Variants in PCDHA13 observed in about 807,000 individuals in gnomAD.
PCDHA13 encodes the protein protocadherin alpha 13.
In PCDHA13, 54 loss-of-function variants were observed where a neutral mutation model predicts 64.8. That is an observed-to-expected ratio of 0.83 (90% CI 0.67 to 1.04). PCDHA13 has a LOEUF of 1.04. Among genes scored for constraint, PCDHA13 ranks in the 50% least tolerant of loss-of-function variants. The pLI is 0.00. For synonymous variants in PCDHA13, 587 were observed against 564.4 expected, an observed-to-expected ratio of 1.04 and a Z score of -0.57; for missense variants, 1,248 against 1,254.3, an observed-to-expected ratio of 0.99 and a Z score of 0.08.
chr5:140,915,205 C>G (rs1554196797), intron 1 of PCDHA13, among the ~76,000 whole-genome samples: 1 of 152,076 alleles, frequency 6.6e-6, no homozygotes, highest in Non-Finnish European at 1.5e-5. Flanking sequence ...TCTTGGCCTC[C>G]CAAAGTGCTG....
At position 140,933,976 on chromosome 5, in the gene PCDHA13, A is replaced by G. The variant is rs1359426492; in HGVS notation, c.2395-44973A>G. ...ATCTGTAGTGATGTTTCCCTTTTCA[A>G]TCCTGGTGTTAGTGTCACCTCTCAT... On this transcript the variant is annotated intron_variant, in intron 1 of 3. Coordinates refer to ENST00000289272, the MANE Select transcript of PCDHA13 (RefSeq NM_018904.3). Among the ~76,000 whole-genome samples, 3 of 151,666 alleles carry G rather than the reference A, an allele frequency of 2.0e-5. No homozygotes were observed. The East Asian group carries it at 5.8e-4, about 29-fold the overall frequency.
intron 1 of PCDHA13, among the ~76,000 whole-genome samples, chr5:140,941,551 G>A (rs1247023682): frequency 4.0e-5 from 6 of 151,616 alleles, no homozygotes; most frequent in Non-Finnish European, 8.8e-5. Flanking sequence ...TCCTGACCTC[G>A]TGATCCATTC....
chr5:141,005,475 G>A (rs1011400158), intron 3 of PCDHA13, among the ~76,000 whole-genome samples: 8 of 151,670 alleles, frequency 5.3e-5, no homozygotes, highest in African/African-American at 1.9e-4. Flanking sequence ...AGGCCGAGAC[G>A]GGCGGATCAT....
At chr5:140,964,844 A>G (rs2095857701) in intron 1 of PCDHA13, among the ~76,000 whole-genome samples, 1 of 152,160 alleles carries the variant, frequency 6.6e-6, no homozygotes, top group Admixed American at 6.5e-5. Flanking sequence ...CCTACTCTGT[A>G]CCCTTGAGGA....
At chr5:140,923,826 T>C (rs2081533545) in intron 1 of PCDHA13, among the ~76,000 whole-genome samples, 1 of 152,218 alleles carries the variant, frequency 6.6e-6, no homozygotes, top group African/African-American at 2.4e-5. Context: ...TAGACGTCAG[T>C]GGCAGTTTAA....
At chr5:140,987,941 G>A (rs1554249697) in intron 3 of PCDHA13, among the ~76,000 whole-genome samples, 1 of 152,104 alleles carries the variant, frequency 6.6e-6, no homozygotes, top group African/African-American at 2.4e-5. Flanking sequence ...ATTCTTACCT[G>A]TCTGACAAAA....
rs782468691 is a variant in PCDHA13 at position 140,962,448 on chromosome 5, A to C, written c.2395-16501A>C. Reference sequence around the variant, plus strand: ...TGTTACTTATCCAAAGATGGCTTGAATCTCTTATGGCTTGAATCTCTTTGT... The same window carrying C: ...TGTTACTTATCCAAAGATGGCTTGACTCTCTTATGGCTTGAATCTCTTTGT... On this transcript the variant is annotated intron_variant, in intron 1 of 3. Coordinates refer to ENST00000289272, the MANE Select transcript of PCDHA13 (RefSeq NM_018904.3). Among the ~76,000 whole-genome samples the C allele has an allele frequency of 4.7e-4, 72 of 152,232 alleles. 1 individual carries two copies. The highest frequency in any genetic ancestry group is 6.8e-3 in the Middle Eastern group (2 of 294).
Position 140,883,636 on chromosome 5 carries a change from G to A in PCDHA13, c.1368G>A (p.Ala456=), listed in dbSNP as rs781839349. The A allele has an allele frequency of 3.1e-6, 5 of 1,613,974 alleles. No homozygotes were observed. Among genetic ancestry groups the A allele is most frequent in the South Asian group, 2.2e-5 (2 of 91,078 alleles). ...TGAACGACAACGCGCCGGCGTTCGCGCAGCCCGAGTACACGGTGTTCGTGA... is the reference window on the plus strand; with the variant it reads ...TGAACGACAACGCGCCGGCGTTCGCACAGCCCGAGTACACGGTGTTCGTGA... ...ADVNDNAPAF[A]QPEYTVFVKE... Residue 456 remains alanine (A), a synonymous_variant, in exon 1 of 4, where the codon GCG becomes GCA. Coordinates refer to ENST00000289272, the MANE Select transcript of PCDHA13 (RefSeq NM_018904.3).
At chr5:141,001,388 TAC>T (rs1234412755) in intron 3 of PCDHA13, among the ~76,000 whole-genome samples, 4 of 152,238 alleles carry the variant, frequency 2.6e-5, no homozygotes, top group Non-Finnish European at 5.9e-5. Flanking sequence ...CCTAAGATCC[TAC>T]AGAGAACAGG....
At chr5:140,988,698 A>AT (rs782470160) in intron 3 of PCDHA13, among the ~76,000 whole-genome samples, 115 of 152,234 alleles carry the variant, frequency 7.6e-4, no homozygotes, top group Middle Eastern at 6.8e-3. Flanking sequence ...GACGCTCTGT[A>AT]TTTTCTTGGA....
chr5:140,999,507 T>A (rs2097860188), intron 3 of PCDHA13, among the ~76,000 whole-genome samples: 1 of 152,078 alleles, frequency 6.6e-6, no homozygotes, highest in South Asian at 2.1e-4. Flanking sequence ...GAACCTACAT[T>A]TTAAGCATTT....
intron 1 of PCDHA13, among the ~76,000 whole-genome samples, chr5:140,922,895 A>G (rs2153566398): frequency 6.6e-6 from 1 of 152,340 alleles, no homozygotes; most frequent in East Asian, 1.9e-4. Context: ...ATTCAAGAAA[A>G]AATTTTGAGA....
At chr5:140,918,115 A>G (rs185486488) in intron 1 of PCDHA13, among the ~76,000 whole-genome samples, 14 of 152,198 alleles carry the variant, frequency 9.2e-5, no homozygotes, top group African/African-American at 3.1e-4. Flanking sequence ...CACATCCTTG[A>G]TTAGCCATAT....
intron 1 of PCDHA13, among the ~76,000 whole-genome samples, chr5:140,950,427 C>T (rs393858): frequency 0.56 from 85,078 of 151,138 alleles, 24,477 homozygotes; most frequent in African/African-American, 0.69. Flanking sequence ...TTTTCTTCCA[C>T]TTAAAAAAAA....
chr5:140,917,952 GA>G (rs1180047836), intron 1 of PCDHA13, among the ~76,000 whole-genome samples: 1 of 152,002 alleles, frequency 6.6e-6, no homozygotes, highest in Non-Finnish European at 1.5e-5. Flanking sequence ...AGTTTGATAG[GA>G]ACATCATTGA....
chr5:140,882,755 G>C lies in PCDHA13; in HGVS notation c.487G>C (p.Gly163Arg), dbSNP rs1554175453. ...PLDGASDADI[G>R]VNSALTYRLD... ...AGATGGCGCATCCGATGCAGATATT[G>C]GAGTAAACTCGGCATTGACCTACCG... Residue 163 changes from glycine (G) to arginine (R), a missense_variant, in exon 1 of 4, where the codon GGA (glycine) becomes CGA (arginine). Coordinates refer to ENST00000289272, the MANE Select transcript of PCDHA13 (RefSeq NM_018904.3). 1.9e-6 allele frequency: 3 copies of C among 1,614,112 alleles called. No individual in the cohort carries two copies. The highest frequency in any genetic ancestry group is 2.5e-6 in the Non-Finnish European group (3 of 1,180,054).
intron 1 of PCDHA13, among the ~76,000 whole-genome samples, chr5:140,948,168 T>G (rs1217978838): frequency 6.6e-6 from 1 of 151,636 alleles, no homozygotes; most frequent in Non-Finnish European, 1.5e-5. Flanking sequence ...AACCTTCCAT[T>G]CCTAGGGTAA....
rs781850899 is a variant in PCDHA13 at position 140,882,392 on chromosome 5, G to T, written c.124G>T (p.Gly42Cys). 5 of 1,614,058 alleles carry T rather than the reference G, an allele frequency of 3.1e-6. No homozygotes were observed. Among genetic ancestry groups the T allele is most frequent in the Middle Eastern group, 1.6e-4 (1 of 6,064 alleles). Reference sequence around the variant, plus strand: ...CTCCGTCCCCGAGGAAGCAAAACACGGCACCTTCGTGGGCCGCATCGCTCA... The same window carrying T: ...CTCCGTCCCCGAGGAAGCAAAACACTGCACCTTCGTGGGCCGCATCGCTCA... Reference protein sequence around the residue: ...HYSVPEEAKHGTFVGRIAQDL... With the variant: ...HYSVPEEAKHCTFVGRIAQDL... The change falls in exon 1 of 4, where the codon GGC becomes TGC. Residue 42 changes from glycine (G) to cysteine (C), a missense_variant. Transcript: ENST00000289272.
At chr5:140,969,058 TG>T in intron 1 of PCDHA13, 2 of 1,614,166 alleles carry the variant, frequency 1.2e-6, no homozygotes, top group Non-Finnish European at 1.7e-6. Context: ...ACAACAATAT[TG>T]ATGCCAGGAT....
Sources: gnomAD v4.1 joint callset for allele counts (sites outside exome capture counted in the v4.1 genomes callset) on GRCh38, gnomAD v4.1.1 for gene constraint, MANE v1.5 for transcripts, NCBI Gene and HGNC (gene_info 2026-07-23, HGNC 2026-07-21) for gene names.